The following STPG1 variants were observed in gnomAD, a reference collection of about 807,000 sequenced individuals.
The protein encoded by STPG1 is sperm tail PG-rich repeat containing 1.
A neutral mutation model predicts 40.1 loss-of-function variants in STPG1; 33 were observed. The observed-to-expected ratio is 0.82, with a 90% CI of 0.62 to 1.10. The LOEUF (loss-of-function observed/expected upper bound fraction) is 1.10. Ranked by LOEUF, STPG1 falls within the 50% of genes least tolerant of loss-of-function variation. STPG1 has a pLI of 0.00. For synonymous variants in STPG1, 150 were observed against 155.0 expected (o/e 0.97, Z 0.24); for missense variants, 396 against 415.1 (o/e 0.95, Z 0.40).
chr1:24,358,307 C>T lies in STPG1; in HGVS notation c.*236G>A, dbSNP rs1298875720. ...GGGCTCTGTCCACTCCTCCCTTCTG[C>T]TCAGGAAGCCACTGGAGTCTGTGGG... On this transcript the variant is annotated 3_prime_UTR_variant, in exon 9 of 9. Transcript: ENST00000337248. 5.9e-6 allele frequency: 4 copies of T among 675,388 alleles called. No homozygotes were observed. The highest frequency in any genetic ancestry group is 1.1e-5 in the Non-Finnish European group (4 of 367,696). 41.8% of individuals were successfully genotyped at this position (675,388 alleles called of 1,614,324 possible).
rs544398672 is a variant in STPG1, at chr1:24,396,575, A to T, written c.70+4744T>A. On this transcript the variant is annotated intron_variant, in intron 2 of 8. Coordinates refer to ENST00000337248, the MANE Select transcript of STPG1 (RefSeq NM_001199013.2). The stretch of plus-strand genomic sequence containing the variant: ...AAGCAGCCACAGACAATACATAAAC[A>T]AACTGGGGTGGCCGTGTTCCAATAA... 2.2e-4 allele frequency among the ~76,000 whole-genome samples: 33 copies of T among 152,342 alleles called. No homozygotes were observed. The South Asian group carries it at 6.2e-3, about 29-fold the overall frequency.
chr1:24,358,561 T>C lies in STPG1; in HGVS notation c.987A>G (p.Lys329=). ...KQSFLYNEDK[K]WIPVL ...GACATCCCTACAGAACCGGGATCCATTTCTTGTCCTCGTTGTAGAGGAAGG... is the reference window on the plus strand; with the variant it reads ...GACATCCCTACAGAACCGGGATCCACTTCTTGTCCTCGTTGTAGAGGAAGG... The change falls in exon 9 of 9, where the codon AAA becomes AAG. Residue 329 remains lysine (K), a synonymous_variant. Coordinates refer to ENST00000337248, the MANE Select transcript of STPG1 (RefSeq NM_001199013.2). The C allele has an allele frequency of 6.2e-7, 1 of 1,614,040 alleles. No individual in the cohort carries two copies. Among genetic ancestry groups the C allele is most frequent in the Non-Finnish European group, 8.5e-7 (1 of 1,179,890 alleles).
rs1401341398 is a variant in STPG1 at position 24,365,611 on chromosome 1, C to G, written c.737+4063G>C. On this transcript the variant is annotated intron_variant, in intron 7 of 8. Coordinates refer to ENST00000337248, the MANE Select transcript of STPG1 (RefSeq NM_001199013.2). ...AATGCCAGTGCTAACAAACAGCCAG[C>G]CCCAAGCACAGCATCCGCCCTGCGG... Among the ~76,000 whole-genome samples the G allele has an allele frequency of 4.6e-5, 7 of 152,230 alleles. No individual in the cohort carries two copies. The East Asian group carries it at 1.3e-3, about 29-fold the overall frequency.
chr1:24,410,052 C>A (rs1001319882), intron 1 of STPG1, among the ~76,000 whole-genome samples: 3 of 152,184 alleles, frequency 2.0e-5, no homozygotes, highest in Non-Finnish European at 4.4e-5. Flanking sequence ...TGGTGCTTCA[C>A]CTCAAACTAT....
chr1:24,405,093 G>A (rs1378734288), intron 1 of STPG1, among the ~76,000 whole-genome samples: 2 of 152,136 alleles, frequency 1.3e-5, no homozygotes, highest in Non-Finnish European at 2.9e-5. Flanking sequence ...CAGTAGCTGG[G>A]ATTACAGGCA....
intron 8 of STPG1, among the ~76,000 whole-genome samples, 197 bp from the exon 9 acceptor site, chr1:24,358,816 A>C (rs548676646): frequency 6.6e-6 from 1 of 152,298 alleles, no homozygotes; most frequent in African/African-American, 2.4e-5. Flanking sequence ...TCAAACTCTG[A>C]CTTCCTGCCT....
chr1:24,370,606 C>G (rs1641692334), intron 6 of STPG1, among the ~76,000 whole-genome samples: 1 of 152,134 alleles, frequency 6.6e-6, no homozygotes, highest in African/African-American at 2.4e-5. Context: ...ATTCTCCTGC[C>G]TCAGCCTCCC....
chr1:24,409,404 G>A (rs1328609552), intron 1 of STPG1, among the ~76,000 whole-genome samples: 1 of 152,096 alleles, frequency 6.6e-6, no homozygotes, highest in African/African-American at 2.4e-5. Context: ...ACCCCTCAGT[G>A]TTATACCATT....
At chr1:24,360,817 T>G in intron 8 of STPG1, 34 bp downstream of exon 8, 1 of 1,552,790 alleles carries the variant, frequency 6.4e-7, no homozygotes, top group Non-Finnish European at 8.7e-7. Flanking sequence ...CCAGAAGATT[T>G]GGTTTTTACA....
intron 3 of STPG1, among the ~76,000 whole-genome samples, chr1:24,390,749 G>A (rs1328863063): frequency 6.9e-6 from 1 of 145,258 alleles, no homozygotes; most frequent in African/African-American, 2.5e-5. Flanking sequence ...AGTTTTTTTT[G>A]TTTTTTGTTT....
intron 1 of STPG1, 55 bp from the exon 2 acceptor site, chr1:24,401,511 G>A (rs1045522996): frequency 7.5e-6 from 6 of 797,264 alleles, no homozygotes; most frequent in East Asian, 2.7e-5. Flanking sequence ...GTTAATTATT[G>A]CAAATGGGTT....
rs948870675 is a variant in STPG1 at position 24,370,446 on chromosome 1, G to A, written c.572-607C>T. Reference sequence around the variant, plus strand: ...AGTGATCCTCCCATCTCAGTCTCCCGAGTAGCTGAGACTACAGGTATGTAC... The same window carrying A: ...AGTGATCCTCCCATCTCAGTCTCCCAAGTAGCTGAGACTACAGGTATGTAC... On this transcript the variant is annotated intron_variant, in intron 6 of 8. Transcript: ENST00000337248. Among the ~76,000 whole-genome samples, 7 of 150,926 alleles carry A rather than the reference G, an allele frequency of 4.6e-5. No individual in the cohort carries two copies. In the South Asian group the frequency reaches 1.1e-3, roughly 23 times the overall value.
At chr1:24,389,786 C>G (rs980946200) in intron 3 of STPG1, among the ~76,000 whole-genome samples, 4 of 152,112 alleles carry the variant, frequency 2.6e-5, no homozygotes, top group Non-Finnish European at 4.4e-5. Context: ...AAGAGCCAAA[C>G]AGTTAAAACA....
Position 24,361,700 on chromosome 1 carries a change from G to A in STPG1, c.738-659C>T, listed in dbSNP as rs148040881. Among the ~76,000 whole-genome samples the A allele has an allele frequency of 2.6e-3, 390 of 152,192 alleles. 5 individuals carry two copies. Among genetic ancestry groups the A allele is most frequent in the African/African-American group, 8.3e-3 (344 of 41,522 alleles). On this transcript the variant is annotated intron_variant, in intron 7 of 8. Coordinates refer to ENST00000337248, the MANE Select transcript of STPG1 (RefSeq NM_001199013.2). ...TGCATAACCCTTTACCACTCACACC[G>A]CCATTGTTTTCAAGTCTGTCTTCCC...
At chr1:24,361,203 C>A (rs1641093804) in intron 7 of STPG1, among the ~76,000 whole-genome samples, 162 bp from the exon 8 acceptor site, 1 of 152,108 alleles carries the variant, frequency 6.6e-6, no homozygotes, top group African/African-American at 2.4e-5. Context: ...AGCTGGGGAC[C>A]CCTGGATCTG....
At chr1:24,409,315 G>A (rs781237386) in intron 1 of STPG1, among the ~76,000 whole-genome samples, 6 of 152,166 alleles carry the variant, frequency 3.9e-5, no homozygotes, top group Admixed American at 1.3e-4. Context: ...AGCTATGTTC[G>A]TGCCACTGTT....
At chr1:24,365,329 T>C (rs1186386230) in intron 7 of STPG1, among the ~76,000 whole-genome samples, 2 of 152,192 alleles carry the variant, frequency 1.3e-5, no homozygotes, top group African/African-American at 2.4e-5. Context: ...TGCACCTCCT[T>C]GCTGGGGAGC....
intron 2 of STPG1, among the ~76,000 whole-genome samples, chr1:24,394,590 G>A (rs1432702913): frequency 6.6e-6 from 1 of 152,124 alleles, no homozygotes; most frequent in Non-Finnish European, 1.5e-5. Context: ...ATATGTTCAA[G>A]AAGCCAGAGA....
intron 7 of STPG1, among the ~76,000 whole-genome samples, chr1:24,366,211 G>A (rs576570587): frequency 3.3e-5 from 5 of 152,274 alleles, no homozygotes; most frequent in African/African-American, 1.2e-4. Flanking sequence ...GTGTGTTCCC[G>A]AGAAAGAAAC....
Sources: gnomAD v4.1 joint callset for allele counts (sites outside exome capture counted in the v4.1 genomes callset) on GRCh38, gnomAD v4.1.1 for gene constraint, MANE v1.5 for transcripts, NCBI Gene and HGNC (gene_info 2026-07-23, HGNC 2026-07-21) for gene names.